NTM: variants seen among roughly 807,000 people sequenced by gnomAD.
NTM encodes IgLON family member 2.
Under a neutral mutation model 42.1 loss-of-function variants are expected in NTM, and 13 were observed. The ratio of observed to expected loss-of-function variants is 0.31; its 90% CI spans 0.20 to 0.49. The LOEUF (loss-of-function observed/expected upper bound fraction) is 0.49, where lower values mean the gene tolerates loss of function less well. Ranked by LOEUF, NTM falls within the 20% of genes least tolerant of loss-of-function variation. The pLI is 0.99. For synonymous variants in NTM, 187 were observed against 179.2 expected (o/e 1.04, Z -0.35); for missense variants, 373 against 452.8 (o/e 0.82, Z 1.60).
At chr11:132,238,251 C>T (rs2089468486) in intron 4 of NTM, among the ~76,000 whole-genome samples, 1 of 151,998 alleles carries the variant, frequency 6.6e-6, no homozygotes, top group Non-Finnish European at 1.5e-5. Flanking sequence ...GGTGAGCGAG[C>T]CCCGCCCAGA....
chr11:131,566,241 C>T (rs1470040372), intron 1 of NTM, among the ~76,000 whole-genome samples: 2 of 152,166 alleles, frequency 1.3e-5, no homozygotes, highest in Admixed American at 1.3e-4. Context: ...ACTGATTGAG[C>T]TCAAATGATG....
intron 1 of NTM, among the ~76,000 whole-genome samples, chr11:131,562,350 A>G (rs188652197): frequency 1.3e-5 from 2 of 152,194 alleles, no homozygotes; most frequent in South Asian, 2.1e-4. Context: ...TGAAGAATCA[A>G]ATTCATTATG....
At chr11:131,794,774 T>A (rs968914456) in intron 1 of NTM, 1 of 985,248 alleles carries the variant, frequency 1.0e-6, no homozygotes, top group African/African-American at 1.7e-5. Flanking sequence ...ACACACCATG[T>A]GAAAAGCATT....
chr11:131,970,760 A>C (rs2063424628), intron 2 of NTM, among the ~76,000 whole-genome samples: 1 of 152,180 alleles, frequency 6.6e-6, no homozygotes, highest in African/African-American at 2.4e-5. Context: ...TGAGTTAATC[A>C]CATTCCTCAG....
chr11:131,722,379 G>T (rs894136472), intron 1 of NTM, among the ~76,000 whole-genome samples: 2 of 152,180 alleles, frequency 1.3e-5, no homozygotes, highest in African/African-American at 4.8e-5. Context: ...TTGCCTGACG[G>T]CCAAAAGGCA....
At chr11:131,555,142 G>C (rs1175264395) in intron 1 of NTM, among the ~76,000 whole-genome samples, 2 of 152,152 alleles carry the variant, frequency 1.3e-5, no homozygotes, top group Non-Finnish European at 2.9e-5. Context: ...AGGCTGGGCA[G>C]TGGAGTGAGA....
At chr11:131,451,476 G>C (rs1950485140) in intron 1 of NTM, among the ~76,000 whole-genome samples, 1 of 152,196 alleles carries the variant, frequency 6.6e-6, no homozygotes, top group African/African-American at 2.4e-5. Context: ...AGGCTTTGTG[G>C]AAGAGCGAGA....
intron 1 of NTM, among the ~76,000 whole-genome samples, chr11:131,591,830 C>T (rs895757142): frequency 6.6e-6 from 1 of 152,200 alleles, no homozygotes; most frequent in Non-Finnish European, 1.5e-5. Flanking sequence ...CTGAAATGCA[C>T]TTCCCTGTGT....
At chr11:132,186,040 T>C (rs1303905842) in intron 3 of NTM, among the ~76,000 whole-genome samples, 1 of 152,108 alleles carries the variant, frequency 6.6e-6, no homozygotes, top group South Asian at 2.1e-4. Context: ...ATCTAAAGAG[T>C]TCTGCCTTAG....
intron 1 of NTM, among the ~76,000 whole-genome samples, chr11:131,382,778 G>A (rs1057030809): frequency 6.6e-6 from 1 of 152,154 alleles, no homozygotes; most frequent in Non-Finnish European, 1.5e-5. Flanking sequence ...GTTTGATAAT[G>A]ATCAACTGAA....
At chr11:132,303,871 C>T (rs1023659010) in intron 4 of NTM, among the ~76,000 whole-genome samples, 11 of 152,132 alleles carry the variant, frequency 7.2e-5, no homozygotes, top group African/African-American at 2.7e-4. Context: ...TCCTGGGCCC[C>T]TCAGTGTCCC....
chr11:131,974,921 A>G (rs968909036), intron 2 of NTM, among the ~76,000 whole-genome samples: 2 of 152,144 alleles, frequency 1.3e-5, no homozygotes, highest in African/African-American at 2.4e-5. Flanking sequence ...ACATATCACA[A>G]ATGTCCTAAA....
At chr11:131,623,460 G>A (rs550545377) in intron 1 of NTM, among the ~76,000 whole-genome samples, 2 of 152,292 alleles carry the variant, frequency 1.3e-5, no homozygotes, top group South Asian at 2.1e-4. Context: ...GCTGTCCACC[G>A]AATTCCATTT....
intron 4 of NTM, among the ~76,000 whole-genome samples, chr11:132,273,309 GTTTTTTTT>G (rs57877862): frequency 3.6e-5 from 2 of 55,656 alleles, no homozygotes. Flanking sequence ...GTTGACTAGT[GTTTTTTTT>G]TTTTTTTTTT....
chr11:131,483,662 G>A (rs1953853464), intron 1 of NTM, among the ~76,000 whole-genome samples: 1 of 148,824 alleles, frequency 6.7e-6, no homozygotes, highest in African/African-American at 2.6e-5. Context: ...AGTCTTTGTT[G>A]GGGGAGTGAG....
chr11:131,711,002 T>C (rs1212354742), intron 1 of NTM, among the ~76,000 whole-genome samples: 3 of 152,108 alleles, frequency 2.0e-5, no homozygotes, highest in Admixed American at 2.0e-4. Flanking sequence ...CCCCTTCTTC[T>C]CTCTCCTTAT....
intron 6 of NTM, chr11:132,312,858 C>A (rs1372176995): frequency 6.5e-6 from 1 of 153,528 alleles, no homozygotes; most frequent in Non-Finnish European, 1.5e-5. Flanking sequence ...TGGCCTGTGG[C>A]TGCACAGCCG....
Position 131,878,622 on chromosome 11 carries a change from T to A in NTM, c.83-32942T>A, listed in dbSNP as rs866305309. On this transcript the variant is annotated intron_variant, in intron 1 of 8. Coordinates refer to ENST00000683400, the MANE Select transcript of NTM (RefSeq NM_001352005.2). ...ATATATATATATATATATATATATA[T>A]ATATATATATATATATATAATGTCT... 2.1e-3 allele frequency among the ~76,000 whole-genome samples: 191 copies of A among 91,322 alleles called. 17 individuals are homozygous for A. The highest frequency in any genetic ancestry group is 3.4e-3 in the African/African-American group (75 of 22,386). 59.9% of individuals were successfully genotyped at this position (91,322 alleles called of 152,430 possible).
chr11:131,593,669 A>G (rs554319114), intron 1 of NTM, among the ~76,000 whole-genome samples: 1 of 152,368 alleles, frequency 6.6e-6, no homozygotes, highest in South Asian at 2.1e-4. Context: ...TTCAGCTGAT[A>G]GTACGTGGGC....
Sources: gnomAD v4.1 joint callset for allele counts (sites outside exome capture counted in the v4.1 genomes callset) on GRCh38, gnomAD v4.1.1 for gene constraint, MANE v1.5 for transcripts, NCBI Gene and HGNC (gene_info 2026-07-23, HGNC 2026-07-21) for gene names.